The following KAZN variants were observed in gnomAD, a reference collection of about 807,000 sequenced individuals.
KAZN encodes the protein kazrin, periplakin interacting protein.
KAZN carries 40 observed loss-of-function variants against 87.4 expected under a neutral mutation model. The observed-to-expected ratio is 0.46, with a 90% CI of 0.36 to 0.60. The LOEUF (loss-of-function observed/expected upper bound fraction) is 0.60. Among genes scored for constraint, KAZN ranks in the 20% least tolerant of loss-of-function variants. The pLI, the probability that KAZN is intolerant of heterozygous loss-of-function variation, is 0.00. For synonymous variants in KAZN, 466 were observed against 458.3 expected (o/e 1.02, Z -0.22); for missense variants, 898 against 1,073.9 (o/e 0.84, Z 2.29).
intron 2 of KAZN, among the ~76,000 whole-genome samples, chr1:14,222,466 T>C (rs1473754987): frequency 6.6e-6 from 1 of 152,216 alleles, no homozygotes; most frequent in Non-Finnish European, 1.5e-5. Flanking sequence ...TAAAGGAGTC[T>C]ATGTTTCTGC....
chr1:14,621,311 T>C (rs986769726), intron 1 of KAZN, among the ~76,000 whole-genome samples: 2 of 152,256 alleles, frequency 1.3e-5, no homozygotes, highest in African/African-American at 4.8e-5. Context: ...CAAATGGATG[T>C]GGCATTTTAC....
intron 1 of KAZN, among the ~76,000 whole-genome samples, chr1:14,723,646 C>T (rs560278646): frequency 2.6e-5 from 4 of 152,358 alleles, no homozygotes; most frequent in African/African-American, 9.6e-5. Flanking sequence ...TGCTCCCTCT[C>T]TCTCCTGCAT....
At chr1:14,932,745 G>A (rs186338646) in intron 1 of KAZN, among the ~76,000 whole-genome samples, 12 of 151,980 alleles carry the variant, frequency 7.9e-5, no homozygotes, top group Admixed American at 2.6e-4. Flanking sequence ...TCCCACCCCA[G>A]AAACTGACTC....
intron 2 of KAZN, among the ~76,000 whole-genome samples, chr1:14,966,868 C>T (rs1664510970): frequency 6.6e-6 from 1 of 152,160 alleles, no homozygotes; most frequent in Non-Finnish European, 1.5e-5. Flanking sequence ...CTGGGTTTCA[C>T]CATGTTGGCC....
chr1:13,967,338 C>G (rs76000967), intron 1 of KAZN, among the ~76,000 whole-genome samples: 1 of 152,144 alleles, frequency 6.6e-6, no homozygotes, highest in Non-Finnish European at 1.5e-5. Context: ...TCTTCCAGAG[C>G]TGGAAACTGA....
In KAZN at chr1:14,886,461, C is replaced by G. The variant is rs201184564; in HGVS notation, c.227-74223C>G. Among the ~76,000 whole-genome samples the G allele has an allele frequency of 2.1e-3, 315 of 148,778 alleles. 3 individuals are homozygous for G. The highest frequency in any genetic ancestry group is 7.2e-3 in the African/African-American group (283 of 39,116). On this transcript the variant is annotated intron_variant, in intron 1 of 14. Transcript: ENST00000376030. ...ATACACACACACACACACACACACA[C>G]ACAGAGAGAGACAGAGAGAGAGAGA...
chr1:15,108,540 A>G (rs1211104932), intron 13 of KAZN, among the ~76,000 whole-genome samples: 2 of 152,146 alleles, frequency 1.3e-5, no homozygotes, highest in Non-Finnish European at 2.9e-5. Flanking sequence ...CGTGGTGAGG[A>G]GCTGACAGTG....
At position 13,908,019 on chromosome 1, in the gene KAZN, G is replaced by A. The variant is rs182644702; in HGVS notation, c.91+14263G>A. The stretch of plus-strand genomic sequence containing the variant: ...ATGATTAGCAGTGGTAGCAGGAGAT[G>A]GAATAGATGACAAGGCAAAGAGAAC... On this transcript the variant is annotated intron_variant, in intron 1 of 16. Transcript: ENST00000636203. 6.6e-3 allele frequency among the ~76,000 whole-genome samples: 1,004 copies of A among 152,356 alleles called. 4 individuals are homozygous for A. The highest frequency in any genetic ancestry group is 0.048 in the Middle Eastern group (14 of 292).
intron 8 of KAZN, among the ~76,000 whole-genome samples, chr1:15,070,783 A>C (rs1639470990): frequency 6.6e-6 from 1 of 152,194 alleles, no homozygotes; most frequent in Admixed American, 6.5e-5. Context: ...CGAGGCTGCA[A>C]TGAGCCGAGA....
chr1:13,964,285 G>A (rs1289371316), intron 1 of KAZN, among the ~76,000 whole-genome samples: 1 of 152,216 alleles, frequency 6.6e-6, no homozygotes, highest in African/African-American at 2.4e-5. Context: ...ATTTTATAGT[G>A]TATTAGAAGG....
chr1:14,140,467 G>A (rs1315580018), intron 1 of KAZN, among the ~76,000 whole-genome samples: 1 of 152,004 alleles, frequency 6.6e-6, no homozygotes, highest in Non-Finnish European at 1.5e-5. Context: ...CCCAGAAAAC[G>A]TTTGCATGAT....
intron 2 of KAZN, among the ~76,000 whole-genome samples, chr1:14,592,789 T>G (rs182242762): frequency 2.6e-5 from 4 of 152,308 alleles, no homozygotes; most frequent in African/African-American, 9.6e-5. Context: ...AGTTCATCAC[T>G]CACTGGCTTC....
chr1:14,422,420 G>C (rs114609992), intron 2 of KAZN, among the ~76,000 whole-genome samples: 2,176 of 152,282 alleles, frequency 0.014, 56 homozygotes, highest in African/African-American at 0.048. Flanking sequence ...GGCTGGCCCA[G>C]AACAAAACGC....
intron 2 of KAZN, among the ~76,000 whole-genome samples, chr1:14,285,105 C>T (rs1223966453): frequency 6.6e-6 from 1 of 152,152 alleles, no homozygotes; most frequent in African/African-American, 2.4e-5. Context: ...CACTGATTAC[C>T]TGTGACCTGA....
Position 15,021,729 on chromosome 1 carries a change from G to A in KAZN, c.419-13020G>A, listed in dbSNP as rs61286021. 0.05 allele frequency among the ~76,000 whole-genome samples: 7,638 copies of A among 152,200 alleles called. 657 individuals are homozygous for A. Among genetic ancestry groups the A allele is most frequent in the African/African-American group, 0.18 (7,268 of 41,486 alleles). On this transcript the variant is annotated intron_variant, in intron 2 of 14. Transcript: ENST00000376030. This position sits in a 1 kb window ranked among gnomAD's most constrained non-coding sequence, Gnocchi z 4.2. Reference sequence around the variant, plus strand: ...GGCTCCCTGCAGTCCCTCTTATGACGGACACTCTGTCTGCAGGTTTCGGTC... The same window carrying A: ...GGCTCCCTGCAGTCCCTCTTATGACAGACACTCTGTCTGCAGGTTTCGGTC...
intron 1 of KAZN, among the ~76,000 whole-genome samples, chr1:14,912,608 G>A (rs1332002751): frequency 2.6e-5 from 4 of 151,972 alleles, no homozygotes; most frequent in African/African-American, 7.3e-5. Flanking sequence ...CTCCAACTCC[G>A]GGGCTCAAGC....
At chr1:14,156,910 GT>G (rs200937006) in intron 1 of KAZN, among the ~76,000 whole-genome samples, 4,504 of 122,398 alleles carry the variant, frequency 0.037, 220 homozygotes, top group African/African-American at 0.11. Context: ...GTGGTCTTTT[GT>G]TTTTTTTTTT....
intron 1 of KAZN, among the ~76,000 whole-genome samples, chr1:14,830,518 C>A (rs1031763540): frequency 6.6e-6 from 1 of 152,094 alleles, no homozygotes; most frequent in African/African-American, 2.4e-5. Flanking sequence ...TGAGACTGGG[C>A]AATGTATGGA....
chr1:15,092,826 A>G (rs374665884), intron 8 of KAZN, among the ~76,000 whole-genome samples: 3 of 152,184 alleles, frequency 2.0e-5, no homozygotes, highest in Admixed American at 1.3e-4. Context: ...TCCCCTCTCA[A>G]TTGAGTCTCT....
Sources: gnomAD v4.1 joint callset for allele counts (sites outside exome capture counted in the v4.1 genomes callset) on GRCh38, gnomAD v4.1.1 for gene constraint, Gnocchi (gnomAD v3.1) non-coding constraint, MANE v1.5 for transcripts, NCBI Gene and HGNC (gene_info 2026-07-23, HGNC 2026-07-21) for gene names.